Variants in MRPS22 observed in about 807,000 individuals in gnomAD.
MRPS22 encodes the protein small ribosomal subunit protein mS22.
In MRPS22, 30 loss-of-function variants were observed where a neutral mutation model predicts 44.0. The ratio of observed to expected loss-of-function variants is 0.68; its 90% CI spans 0.51 to 0.93. The LOEUF (loss-of-function observed/expected upper bound fraction) is 0.93, where lower values mean the gene tolerates loss of function less well. Among genes scored for constraint, MRPS22 ranks in the 40% least tolerant of loss-of-function variants. The pLI is 0.00. For missense variants in MRPS22, 447 were observed against 447.8 expected, an observed-to-expected ratio of 1.00 and a Z score of 0.02; for synonymous variants, 165 against 154.4, an observed-to-expected ratio of 1.07 and a Z score of -0.51.
rs1189110848 is a variant in MRPS22, at chr3:139,344,108, C to G, written c.82C>G (p.Arg28Gly). Residue 28 changes from arginine to glycine, a missense_variant, in exon 1 of 8, where the codon CGA (arginine) becomes GGA (glycine). Transcript: ENST00000680020. ...PGVERVCFRA[R>G]IQPWHGGLLQ... ...CGTGGAACGGGTCTGTTTCCGGGCT[C>G]GAATCCAGCCCTGGCACGGTGGCCT... 6.2e-7 allele frequency: 1 copy of G among 1,614,102 alleles called. No individual in the cohort carries two copies. Among genetic ancestry groups the G allele is most frequent in the South Asian group, 1.1e-5 (1 of 91,050 alleles).
At chr3:139,350,584 C>A (rs988420156) in intron 4 of MRPS22, 5 of 459,708 alleles carry the variant, frequency 1.1e-5, no homozygotes, top group Non-Finnish European at 2.0e-5. Context: ...CCCGCCACCA[C>A]GCTTGGCTAA....
intron 4 of MRPS22, 32 bp downstream of exon 4, chr3:139,350,354 C>G: frequency 7.4e-6 from 12 of 1,611,124 alleles, no homozygotes; most frequent in Non-Finnish European, 1.0e-5. Flanking sequence ...GTTTTAGAGC[C>G]AGTGGTGATG....
chr3:139,349,333 A>C (rs781315864), intron 3 of MRPS22: 7 of 451,024 alleles, frequency 1.6e-5, no homozygotes, highest in Non-Finnish European at 3.1e-5. Flanking sequence ...GGCAGTGTTG[A>C]TGGAAGTTTC....
At chr3:139,356,405 C>A (rs2107792520) in intron 7 of MRPS22, among the ~76,000 whole-genome samples, 1 of 152,294 alleles carries the variant, frequency 6.6e-6, no homozygotes, top group East Asian at 1.9e-4. Flanking sequence ...TCAGAATATA[C>A]ATGGTTTTGT....
intron 3 of MRPS22, 131 bp from the exon 4 acceptor site, chr3:139,350,048 C>A: frequency 9.7e-7 from 1 of 1,026,768 alleles, no homozygotes; most frequent in Non-Finnish European, 1.5e-6. Flanking sequence ...TTAAAATTAT[C>A]ATTGATCTCA....
intron 1 of MRPS22, among the ~76,000 whole-genome samples, chr3:139,345,435 GGT>G (rs1052335034): frequency 1.2e-4 from 14 of 120,080 alleles, no homozygotes; most frequent in Non-Finnish European, 2.3e-4. Context: ...CTCTGCCAGT[GGT>G]GTTTTTTTTT....
chr3:139,353,651 C>G (rs1941192547), intron 6 of MRPS22, among the ~76,000 whole-genome samples: 2 of 152,162 alleles, frequency 1.3e-5, no homozygotes, highest in African/African-American at 4.8e-5. Flanking sequence ...TCAGCCCATA[C>G]TTGGAAAAAG....
rs1340496835 is a variant in MRPS22, at chr3:139,348,049, C to T, written c.340-111C>T. On this transcript the variant is annotated intron_variant, in intron 2 of 7. Coordinates refer to ENST00000680020, the MANE Select transcript of MRPS22 (RefSeq NM_020191.4). ...TTTTACTCACTGATTTGTGGCTACA[C>T]CTTCTTTTCTATGCAGGTTTTTGCA... 3.5e-6 allele frequency: 4 copies of T among 1,133,542 alleles called. No homozygotes were observed. In the African/African-American group the frequency reaches 6.2e-5, roughly 18 times the overall value. 70.2% of individuals were successfully genotyped at this position (1,133,542 alleles called of 1,614,324 possible). A position where few individuals can be genotyped will look rare whatever the true frequency, so the allele number is the denominator to read the frequency against.
In MRPS22 at chr3:139,354,552, C is replaced by T. The variant is rs148280431; in HGVS notation, c.879-1130C>T. Reference sequence around the variant, plus strand: ...GTGATGAACATTTTTTATTTTTTTCCCCCTGAAAAGCTTTATGATACAACA... The same window carrying T: ...GTGATGAACATTTTTTATTTTTTTCTCCCTGAAAAGCTTTATGATACAACA... On this transcript the variant is annotated intron_variant, in intron 6 of 7. Transcript: ENST00000680020. 2.5e-3 allele frequency among the ~76,000 whole-genome samples: 376 copies of T among 151,870 alleles called. 3 individuals carry two copies. The highest frequency in any genetic ancestry group is 3.7e-3 in the Non-Finnish European group (254 of 67,946).
chr3:139,348,472 G>A (rs1223980934), intron 3 of MRPS22, 148 bp downstream of exon 3: 36 of 758,136 alleles, frequency 4.7e-5, no homozygotes, highest in Non-Finnish European at 7.9e-5. Context: ...TATACTATAT[G>A]AGGGATGAGA....
intron 6 of MRPS22, 93 bp from the exon 7 acceptor site, chr3:139,355,589 A>G: frequency 1.0e-6 from 1 of 1,000,290 alleles, no homozygotes; most frequent in South Asian, 1.3e-5. Flanking sequence ...AAAGTCTGAA[A>G]TGTAATTTAG....
In MRPS22 at chr3:139,346,893, C is replaced by T. The variant is rs1457217527; in HGVS notation, c.188C>T (p.Pro63Leu). ...FSSEAAESGS[P>L]ETKKPTFMDE... ...TCCATTTTAGCAGAATCTGGTAGCC[C>T]AGAGACCAAGAAACCTACATTTATG... Residue 63 changes from proline to leucine, a missense_variant, in exon 2 of 8, where the codon CCA (proline) becomes CTA (leucine). Physicochemically the swap from Pro to Leu is moderately conservative, Grantham distance 98. Coordinates refer to ENST00000680020, the MANE Select transcript of MRPS22 (RefSeq NM_020191.4). The T allele has an allele frequency of 6.2e-7, 1 of 1,614,038 alleles. No homozygotes were observed. Among genetic ancestry groups the T allele is most frequent in the Non-Finnish European group, 8.5e-7 (1 of 1,179,976 alleles).
At chr3:139,356,547 AAT>A (rs1291786871) in intron 7 of MRPS22, among the ~76,000 whole-genome samples, 1 of 152,216 alleles carries the variant, frequency 6.6e-6, no homozygotes, top group Non-Finnish European at 1.5e-5. Context: ...GATAAAGCGC[AAT>A]GTTTTTGGAG....
intron 5 of MRPS22, chr3:139,351,302 TAAGTGGTAGGGTTAGGACCC>T (rs1576363693): frequency 4.0e-6 from 2 of 496,554 alleles, no homozygotes; most frequent in Non-Finnish European, 7.4e-6. Context: ...GCATAGCTAC[TAAGTGGTAGGGTTAGGACCC>T]AAGTTTGATG....
chr3:139,350,457 C>A, intron 4 of MRPS22, 135 bp downstream of exon 4: 1 of 1,022,386 alleles, frequency 9.8e-7, no homozygotes, highest in Non-Finnish European at 1.4e-6. Context: ...AATGGAGTTT[C>A]GCTCCTTTTG....
At chr3:139,355,385 A>G (rs1397613287) in intron 6 of MRPS22, among the ~76,000 whole-genome samples, 1 of 152,212 alleles carries the variant, frequency 6.6e-6, no homozygotes, top group African/African-American at 2.4e-5. Flanking sequence ...TCTGTGAGAA[A>G]TGGTGCTCTT....
rs745352364 is a variant in MRPS22, at chr3:139,355,739, G to C, written c.936G>C (p.Gln312His). The C allele has an allele frequency of 1.9e-6, 3 of 1,614,070 alleles. No individual in the cohort carries two copies. In the African/African-American group the frequency reaches 4.0e-5, roughly 22 times the overall value. ...QLYHVLHPDG[Q>H]SAQGAKDQAA... Reference sequence around the variant, plus strand: ...ATCACGTGCTCCATCCAGATGGCCAGTCGGCTCAAGGGGCCAAGGATCAGG... The same window carrying C: ...ATCACGTGCTCCATCCAGATGGCCACTCGGCTCAAGGGGCCAAGGATCAGG... The change falls in exon 7 of 8, where the codon CAG (glutamine) becomes CAC (histidine). Residue 312 changes from glutamine (Q) to histidine (H), a missense_variant. Gln to His is a conservative substitution (Grantham distance 24). Transcript: ENST00000680020.
Position 139,350,333 on chromosome 3 carries a change from T to A in MRPS22, c.648+11T>A. 1 of 1,613,844 alleles carries A rather than the reference T, an allele frequency of 6.2e-7. No homozygotes were observed. Among genetic ancestry groups the A allele is most frequent in the Non-Finnish European group, 8.5e-7 (1 of 1,179,944 alleles). On this transcript the variant is annotated intron_variant, in intron 4 of 7. Coordinates refer to ENST00000680020, the MANE Select transcript of MRPS22 (RefSeq NM_020191.4). ...GAAGAAAATCTTAGGGTAAGGTGAC[T>A]TAGGTTTTATGTTTTAGAGCCAGTG... is the stretch of plus-strand genomic sequence containing the variant.
rs1941239206 is a variant in MRPS22 at position 139,355,732 on chromosome 3, A to G, written c.929A>G (p.Asp310Gly). The G allele has an allele frequency of 2.5e-6, 4 of 1,614,180 alleles. 1 individual carries two copies. The East Asian group carries it at 8.9e-5, about 36-fold the overall frequency. Residue 310 changes from aspartate (D) to glycine (G), a missense_variant, in exon 7 of 8, where the codon GAT becomes GGT. Transcript: ENST00000680020. Reference sequence around the variant, plus strand: ...CAGCTGTATCACGTGCTCCATCCAGATGGCCAGTCGGCTCAAGGGGCCAAG... The same window carrying G: ...CAGCTGTATCACGTGCTCCATCCAGGTGGCCAGTCGGCTCAAGGGGCCAAG... ...LVQLYHVLHP[D>G]GQSAQGAKDQ...
Sources: allele counts gnomAD v4.1 joint callset (sites outside exome capture counted in the v4.1 genomes callset), GRCh38; gene constraint gnomAD v4.1.1; transcripts MANE v1.5; gene names NCBI Gene and HGNC (gene_info 2026-07-23, HGNC 2026-07-21).